The following HEATR4 variants were observed in gnomAD, a reference collection of about 807,000 sequenced individuals.
HEATR4 encodes HEAT repeat-containing protein 4.
HEATR4 carries 95 observed loss-of-function variants against 108.8 expected under a neutral mutation model. The ratio of observed to expected loss-of-function variants is 0.87; its 90% CI spans 0.74 to 1.04. The LOEUF (loss-of-function observed/expected upper bound fraction) is 1.04. HEATR4 is among the 50% of genes least tolerant of loss of function. HEATR4 has a pLI of 0.00. For missense variants in HEATR4, 1,152 were observed against 1,253.8 expected, an observed-to-expected ratio of 0.92 and a Z score of 1.23; for synonymous variants, 443 against 459.4, an observed-to-expected ratio of 0.96 and a Z score of 0.46.
At chr14:73,572,536 T>C in the HEATR4 span, among the ~76,000 whole-genome samples, 1 of 150,290 alleles carries the variant, frequency 6.7e-6, no homozygotes, top group African/African-American at 2.4e-5. Flanking sequence ...AAGTCCAGGA[T>C]ACTGGAAAGA....
intron 2 of HEATR4, among the ~76,000 whole-genome samples, chr14:73,527,961 C>CAAAAAA (rs34109465): frequency 9.5e-5 from 5 of 52,690 alleles, no homozygotes; most frequent in Admixed American, 2.7e-4. Context: ...AACTCCATCT[C>CAAAAAA]AAAAAAAAAA....
At chr14:73,593,314 A>G in the HEATR4 span, among the ~76,000 whole-genome samples, 2 of 149,518 alleles carry the variant, frequency 1.3e-5, no homozygotes, top group East Asian at 2.0e-4. Context: ...TTTTGTTTCA[A>G]TCTTTTTTCT....
Position 73,502,997 on chromosome 14 carries a change from A to G in HEATR4, c.2003T>C (p.Leu668Ser). ...GNVCLDMKHK[L>S]IQLMWNDWNK... ...CCAGTCATTCCACATCAGCTGGATC[A>G]ACTTATGTTTCATATCCTATAAATA... is the stretch of plus-strand genomic sequence containing the variant. The change falls in exon 11 of 18, where the codon TTG becomes TCG. Residue 668 changes from leucine to serine, a missense_variant. By Grantham distance (145) the Leu-to-Ser change is moderately radical (BLOSUM62 -2). Coordinates refer to ENST00000553558, the MANE Select transcript of HEATR4 (RefSeq NM_001220484.1). 6.2e-7 allele frequency: 1 copy of G among 1,613,610 alleles called. No homozygotes were observed. Among genetic ancestry groups the G allele is most frequent in the Non-Finnish European group, 8.5e-7 (1 of 1,179,684 alleles).
intron 17 of HEATR4, chr14:73,491,074 G>GCGCAAGCC: frequency 6.3e-7 from 1 of 1,597,008 alleles, no homozygotes; most frequent in Non-Finnish European, 8.5e-7. Context: ...CGAAGCGCCG[G>GCGCAAGCC]CGCAAGCCCC....
At position 73,493,110 on chromosome 14, in the gene HEATR4, G is replaced by A; in HGVS notation, c.2800C>T (p.Pro934Ser). The A allele has an allele frequency of 6.2e-7, 1 of 1,612,418 alleles. No individual in the cohort carries two copies. Among genetic ancestry groups the A allele is most frequent in the Non-Finnish European group, 8.5e-7 (1 of 1,179,810 alleles). ...TCACAAACCTCGGAAGGTCTTCTAG[G>A]AAGAACCATCTCATCTAGGTACAAA... is the stretch of plus-strand genomic sequence containing the variant. ...QETFQDEMVL[P>S]RRPSEVCDTE... is the part of the protein sequence containing the mutation. Residue 934 changes from proline (P) to serine (S), a missense_variant, in exon 17 of 18, where the codon CCT becomes TCT. Physicochemically the swap from Pro to Ser is moderately conservative, Grantham distance 74. Transcript: ENST00000553558.
the HEATR4 span, among the ~76,000 whole-genome samples, chr14:73,608,225 G>T: frequency 1.3e-5 from 2 of 152,140 alleles, no homozygotes; most frequent in African/African-American, 2.4e-5. Context: ...GCCCCGCCAG[G>T]GTTTTTCTTT....
rs1412927657 is a variant in HEATR4 at position 73,530,258 on chromosome 14, G to A, written c.-151-14C>T. On this transcript the variant is annotated splice_polypyrimidine_tract_variant and intron_variant, in intron 1 of 17. Coordinates refer to ENST00000553558, the MANE Select transcript of HEATR4 (RefSeq NM_001220484.1). ...CTGGGACTGCGCCTGGAATAGATAC[G>A]GGTAAAGAACCTTTTACATCAGACT... The A allele has an allele frequency of 1.4e-5, 2 of 145,114 alleles. 1 individual carries two copies. The allele number at this position is 145,114 out of a possible 1,614,324, so 9.0% of individuals were successfully genotyped here.
intron 13 of HEATR4, 29 bp downstream of exon 13, chr14:73,499,042 A>G: frequency 6.3e-7 from 1 of 1,595,468 alleles, no homozygotes; most frequent in South Asian, 1.1e-5. Context: ...TTTAAGGTTG[A>G]AGAGTTTGGG....
the HEATR4 span, chr14:73,592,346 C>T: frequency 6.3e-7 from 1 of 1,597,448 alleles, no homozygotes; most frequent in Non-Finnish European, 8.5e-7. Context: ...AGCGCCACTT[C>T]CTCCCGCCAG....
At chr14:73,539,323 G>A (rs1321221000) in intron 1 of HEATR4, 1 of 119,114 alleles carries the variant, frequency 8.4e-6, no homozygotes, top group African/African-American at 2.8e-5. Context: ...GGTACTGATT[G>A]TGGCCTCTCC....
chr14:73,569,634 G>A, the HEATR4 span: 28 of 1,602,590 alleles, frequency 1.7e-5, no homozygotes, highest in South Asian at 1.5e-4. Context: ...CGCGCTGGGC[G>A]GCAGCTTCGC....
chr14:73,484,279 G>A (rs1403121469), intron 17 of HEATR4, among the ~76,000 whole-genome samples: 7 of 151,912 alleles, frequency 4.6e-5, no homozygotes, highest in Non-Finnish European at 5.9e-5. Flanking sequence ...CTGTTACGAC[G>A]TATAGCAAGA....
chr14:73,541,843 C>T, intron 1 of HEATR4: 1 of 584,046 alleles, frequency 1.7e-6, no homozygotes, highest in South Asian at 2.1e-5. Context: ...TAGACAGTTT[C>T]TTTCTTTCTT....
At chr14:73,604,446 T>C in the HEATR4 span, among the ~76,000 whole-genome samples, 6 of 152,100 alleles carry the variant, frequency 3.9e-5, no homozygotes, top group Admixed American at 1.3e-4. Flanking sequence ...ATTACAGGCA[T>C]GAGCCACTGC....
chr14:73,590,387 C>T, the HEATR4 span, among the ~76,000 whole-genome samples: 2 of 152,268 alleles, frequency 1.3e-5, no homozygotes, highest in African/African-American at 4.8e-5. Context: ...TCCAAGTCCC[C>T]ACCAGACTCA....
At chr14:73,597,065 TTTTATTTTA>T in the HEATR4 span, among the ~76,000 whole-genome samples, 1 of 130,658 alleles carries the variant, frequency 7.7e-6, no homozygotes, top group Admixed American at 8.8e-5. Flanking sequence ...TTTATGGTAA[TTTTATTTTA>T]TTTATTTATT....
At chr14:73,507,387 G>T (rs536947823) in intron 9 of HEATR4, among the ~76,000 whole-genome samples, 2 of 152,038 alleles carry the variant, frequency 1.3e-5, no homozygotes, top group Non-Finnish European at 2.9e-5. Flanking sequence ...GTTTACTTAT[G>T]CTTGAGATTG....
At chr14:73,609,468 G>T in the HEATR4 span, among the ~76,000 whole-genome samples, 1 of 152,060 alleles carries the variant, frequency 6.6e-6, no homozygotes, top group Non-Finnish European at 1.5e-5. Context: ...CCAGGTCGTG[G>T]CTGATTCTAG....
the HEATR4 span, among the ~76,000 whole-genome samples, chr14:73,576,555 C>G: frequency 2.0e-5 from 3 of 151,788 alleles, no homozygotes; most frequent in Non-Finnish European, 4.4e-5. Flanking sequence ...GTAATGCCAG[C>G]ACTTTGGGAG....
Sources: allele counts gnomAD v4.1 joint callset (sites outside exome capture counted in the v4.1 genomes callset), GRCh38; gene constraint gnomAD v4.1.1; transcripts MANE v1.5; gene names NCBI Gene and HGNC (gene_info 2026-07-23, HGNC 2026-07-21).